RNF150: variants seen among roughly 807,000 people sequenced by gnomAD.
RNF150 encodes ring finger protein 150.
RNF150 carries 24 observed loss-of-function variants against 39.3 expected under a neutral mutation model. The ratio of observed to expected loss-of-function variants is 0.61; its 90% CI spans 0.44 to 0.86. The LOEUF is 0.86. Ranked by LOEUF, RNF150 falls within the 40% of genes least tolerant of loss-of-function variation. RNF150 has a pLI of 0.00. For synonymous variants in RNF150, 255 were observed against 227.3 expected (o/e 1.12, Z -1.10); for missense variants, 502 against 587.8 (o/e 0.85, Z 1.51).
chr4:140,992,705 T>C (rs572320134), intron 1 of RNF150, among the ~76,000 whole-genome samples: 1 of 152,254 alleles, frequency 6.6e-6, no homozygotes, highest in African/African-American at 2.4e-5. Flanking sequence ...CTGTACTTAC[T>C]TCAAAGAATG....
intron 1 of RNF150, among the ~76,000 whole-genome samples, chr4:141,025,696 C>G (rs940930624): frequency 6.6e-6 from 1 of 152,060 alleles, no homozygotes; most frequent in African/African-American, 2.4e-5. Context: ...AGAGTTAAAG[C>G]ATTCTAAATT....
chr4:141,142,460 T>G (rs1033187993), intron 1 of RNF150, among the ~76,000 whole-genome samples: 6 of 152,176 alleles, frequency 3.9e-5, no homozygotes, highest in African/African-American at 1.4e-4. Flanking sequence ...CTGAAAAGAA[T>G]CTTTCCTGTT....
chr4:140,912,504 CTGT>C (rs1179316841), intron 5 of RNF150, among the ~76,000 whole-genome samples: 1 of 152,184 alleles, frequency 6.6e-6, no homozygotes, highest in Non-Finnish European at 1.5e-5. Context: ...ATCACAATGA[CTGT>C]TGTTTTCCAA....
rs532055120 is a variant in RNF150 at position 141,082,262 on chromosome 4, A to G, written c.484+50063T>C. Among the ~76,000 whole-genome samples, 46 of 152,380 alleles carry G rather than the reference A, an allele frequency of 3.0e-4. No individual in the cohort carries two copies. The South Asian group carries it at 9.3e-3, about 31-fold the overall frequency. On this transcript the variant is annotated intron_variant, in intron 1 of 6. Transcript: ENST00000515673. Reference sequence around the variant, plus strand: ...AAAAAGCCTAAAGGCAACATACATAATAACTGAGGGATTAAATAGTGATTC... The same window carrying G: ...AAAAAGCCTAAAGGCAACATACATAGTAACTGAGGGATTAAATAGTGATTC...
chr4:141,142,952 C>T (rs1187394146), intron 1 of RNF150, among the ~76,000 whole-genome samples: 1 of 151,946 alleles, frequency 6.6e-6, no homozygotes, highest in Non-Finnish European at 1.5e-5. Context: ...TCACTGCAAC[C>T]TCCACCTCCC....
chr4:141,189,887 C>T (rs1728074983), intron 1 of RNF150, among the ~76,000 whole-genome samples: 1 of 152,178 alleles, frequency 6.6e-6, no homozygotes, highest in Admixed American at 6.5e-5. Context: ...TGGCTTCAGC[C>T]CCGTTTCAGG....
At position 141,013,825 on chromosome 4, in the gene RNF150, CTT is replaced by C. The variant is rs530094540; in HGVS notation, c.485-45954_485-45953del. ...CATATCCATTAACTTGCTTACTTAT[CTT>C]TTTTTGTGGTGAAACATCTGAAACT... On this transcript the variant is annotated intron_variant, in intron 1 of 6. Coordinates refer to ENST00000515673, the MANE Select transcript of RNF150 (RefSeq NM_020724.2). 1.2e-4 allele frequency among the ~76,000 whole-genome samples: 19 copies of C among 152,210 alleles called. No homozygotes were observed. The South Asian group carries it at 2.7e-3, about 22-fold the overall frequency.
intron 1 of RNF150, among the ~76,000 whole-genome samples, chr4:141,183,008 C>T (rs1027396595): frequency 1.3e-5 from 2 of 152,144 alleles, no homozygotes; most frequent in African/African-American, 4.8e-5. Flanking sequence ...GCTTGGGCTT[C>T]TCAAGCACTT....
chr4:140,938,815 C>T (rs1484138674), intron 4 of RNF150, among the ~76,000 whole-genome samples: 3 of 152,100 alleles, frequency 2.0e-5, no homozygotes, highest in Non-Finnish European at 4.4e-5. Flanking sequence ...GCCATCTGTC[C>T]TTGGGGACAG....
chr4:141,154,880 A>G (rs1314490523), intron 1 of RNF150, among the ~76,000 whole-genome samples: 1 of 152,190 alleles, frequency 6.6e-6, no homozygotes, highest in Non-Finnish European at 1.5e-5. Context: ...AAAGATGGGT[A>G]GAGGTAATTA....
chr4:141,139,385 A>T (rs914337776), intron 1 of RNF150, among the ~76,000 whole-genome samples: 1 of 152,236 alleles, frequency 6.6e-6, no homozygotes, highest in African/African-American at 2.4e-5. Context: ...GAGTGTGGTC[A>T]TTTTTAAAAC....
chr4:140,939,560 A>C (rs1731995381), intron 4 of RNF150, among the ~76,000 whole-genome samples: 1 of 151,226 alleles, frequency 6.6e-6, no homozygotes, highest in Non-Finnish European at 1.5e-5. Context: ...GATAACTCTG[A>C]AGAAAGGCTT....
At chr4:141,080,575 A>G (rs7437683) in intron 1 of RNF150, among the ~76,000 whole-genome samples, 114,201 of 151,988 alleles carry the variant, frequency 0.75, 43,487 homozygotes, top group East Asian at 1. Flanking sequence ...CGTCTCCTAG[A>G]AGAAGTCCAT....
intron 1 of RNF150, among the ~76,000 whole-genome samples, chr4:141,052,852 A>G (rs957948671): frequency 2.6e-5 from 4 of 152,172 alleles, no homozygotes; most frequent in Non-Finnish European, 5.9e-5. Flanking sequence ...TGCTTATCTG[A>G]AATCTCCCAA....
intron 1 of RNF150, among the ~76,000 whole-genome samples, chr4:141,205,383 T>A (rs1281126903): frequency 6.6e-6 from 1 of 152,214 alleles, no homozygotes; most frequent in Non-Finnish European, 1.5e-5. Context: ...TTCTTTCTTT[T>A]CTATACTATG....
intron 1 of RNF150, among the ~76,000 whole-genome samples, chr4:141,129,888 G>T (rs1726847138): frequency 6.6e-6 from 1 of 152,270 alleles, no homozygotes; most frequent in South Asian, 2.1e-4. Flanking sequence ...CTTCTCACCT[G>T]AAATCTATCA....
rs1167095294 is a variant in RNF150, at chr4:141,157,494, G to A, written c.-6+55300C>T. 3.9e-5 allele frequency among the ~76,000 whole-genome samples: 6 copies of A among 152,140 alleles called. No individual in the cohort carries two copies. In the East Asian group the frequency reaches 1.2e-3, roughly 29 times the overall value. On this transcript the variant is annotated intron_variant, in intron 1 of 7. Coordinates refer to the RNF150 transcript ENST00000420921. ...GTAAGGGAGAATTGGGAAGCAAGTGGCAAGAAATGGTGTCTGTCTCAGTGA... is the reference window on the plus strand; with the variant it reads ...GTAAGGGAGAATTGGGAAGCAAGTGACAAGAAATGGTGTCTGTCTCAGTGA...
intron 1 of RNF150, among the ~76,000 whole-genome samples, chr4:141,173,299 G>T (rs2111175682): frequency 6.6e-6 from 1 of 152,268 alleles, no homozygotes. Flanking sequence ...TTTATAGTGG[G>T]TGTCTTTTAT....
At chr4:141,103,842 C>T (rs940623183) in intron 1 of RNF150, among the ~76,000 whole-genome samples, 1 of 152,124 alleles carries the variant, frequency 6.6e-6, no homozygotes, top group Non-Finnish European at 1.5e-5. Flanking sequence ...TTTTAGAGGT[C>T]AAATTCTGTT....
Sources: gnomAD v4.1 joint callset for allele counts (sites outside exome capture counted in the v4.1 genomes callset) on GRCh38, gnomAD v4.1.1 for gene constraint, MANE v1.5 for transcripts, NCBI Gene and HGNC (gene_info 2026-07-23, HGNC 2026-07-21) for gene names.